DGKB: variants seen among roughly 807,000 people sequenced by gnomAD.
DGKB encodes 90 kDa diacylglycerol kinase.
Under a neutral mutation model 114.3 loss-of-function variants are expected in DGKB, and 67 were observed. The ratio of observed to expected loss-of-function variants is 0.59; its 90% confidence interval spans 0.48 to 0.72. The LOEUF is 0.72. DGKB is among the 30% of genes least tolerant of loss of function. DGKB has a pLI of 0.00. For synonymous variants in DGKB, 398 were observed against 323.1 expected (o/e 1.23, Z -2.49); for missense variants, 907 against 975.2 (o/e 0.93, Z 0.93).
chr7:14,925,624 T>C (rs955375832), intron 1 of DGKB, among the ~76,000 whole-genome samples: 1 of 152,152 alleles, frequency 6.6e-6, no homozygotes, highest in Non-Finnish European at 1.5e-5. Flanking sequence ...TTTGGTGAGA[T>C]TTGTACCTGA....
intron 17 of DGKB, among the ~76,000 whole-genome samples, chr7:14,599,848 G>A (rs1460344248): frequency 6.6e-6 from 1 of 151,994 alleles, no homozygotes; most frequent in Non-Finnish European, 1.5e-5. Flanking sequence ...TGGGGCTGGA[G>A]GTGAATTTGA....
chr7:14,644,781 T>A (rs771381607), intron 13 of DGKB, among the ~76,000 whole-genome samples: 2 of 152,178 alleles, frequency 1.3e-5, no homozygotes, highest in Non-Finnish European at 2.9e-5. Context: ...TGGAAACCTA[T>A]TGAATAAAAT....
At chr7:14,184,793 G>A (rs1014278971) in intron 23 of DGKB, among the ~76,000 whole-genome samples, 4 of 151,994 alleles carry the variant, frequency 2.6e-5, no homozygotes, top group Non-Finnish European at 5.9e-5. Flanking sequence ...CTGGCAGGAG[G>A]TGCAAAAAAA....
chr7:14,757,705 G>T lies in DGKB; in HGVS notation c.97C>A (p.Leu33Ile). 1 of 1,603,972 alleles carries T rather than the reference G, an allele frequency of 6.2e-7. No individual in the cohort carries two copies. Among genetic ancestry groups the T allele is most frequent in the African/African-American group, 1.3e-5 (1 of 74,642 alleles). ...EYSTKKLKDV[L>I]EEFHGNGVLA... Reference sequence around the variant, plus strand: ...ACACCATTACCATGGAATTCTTCAAGAACATCCTTTAATTTCTTTGTAGAA... The same window carrying T: ...ACACCATTACCATGGAATTCTTCAATAACATCCTTTAATTTCTTTGTAGAA... The change falls in exon 3 of 26, where the codon CTT becomes ATT. Residue 33 changes from leucine to isoleucine, a missense_variant. By Grantham distance (5) the Leu-to-Ile change is conservative. Transcript: ENST00000402815.
At chr7:14,710,420 A>C (rs2128332781) in intron 6 of DGKB, among the ~76,000 whole-genome samples, 1 of 152,238 alleles carries the variant, frequency 6.6e-6, no homozygotes, top group South Asian at 2.1e-4. Context: ...TCTATAGATT[A>C]CTGGGTAGTC....
chr7:14,599,454 G>T (rs530556164), intron 17 of DGKB, among the ~76,000 whole-genome samples: 5 of 152,082 alleles, frequency 3.3e-5, no homozygotes, highest in African/African-American at 1.2e-4. Flanking sequence ...ATGCTTTTAT[G>T]CTTGCTGCTC....
intron 2 of DGKB, among the ~76,000 whole-genome samples, chr7:14,786,792 G>A (rs951865825): frequency 2.6e-5 from 4 of 152,232 alleles, no homozygotes; most frequent in Non-Finnish European, 4.4e-5. Flanking sequence ...CAATGAGCAC[G>A]GCAGGGAAGC....
intron 1 of DGKB, among the ~76,000 whole-genome samples, chr7:14,951,044 T>C (rs1256971373): frequency 1.3e-5 from 2 of 151,982 alleles, no homozygotes; most frequent in African/African-American, 4.8e-5. Flanking sequence ...ATTCTACTAA[T>C]CATGCTTTCA....
chr7:14,239,919 A>G (rs1216401916), intron 23 of DGKB, among the ~76,000 whole-genome samples: 2 of 152,084 alleles, frequency 1.3e-5, no homozygotes, highest in East Asian at 3.9e-4. Flanking sequence ...CTATTTTACC[A>G]TATTACCTTT....
At chr7:14,753,501 T>C (rs575608109) in intron 4 of DGKB, among the ~76,000 whole-genome samples, 2 of 151,874 alleles carry the variant, frequency 1.3e-5, no homozygotes, top group Non-Finnish European at 2.9e-5. Flanking sequence ...CACAGCACTG[T>C]AGACAAAACA....
intron 1 of DGKB, among the ~76,000 whole-genome samples, chr7:14,855,200 A>G (rs1193227652): frequency 6.6e-6 from 1 of 152,214 alleles, no homozygotes; most frequent in Non-Finnish European, 1.5e-5. Context: ...GCAGAGAAAT[A>G]GCATGCCTCA....
intron 21 of DGKB, among the ~76,000 whole-genome samples, chr7:14,443,535 C>G (rs1425063974): frequency 6.6e-6 from 1 of 152,058 alleles, no homozygotes; most frequent in Non-Finnish European, 1.5e-5. Flanking sequence ...CATGGGTTGA[C>G]AATTATTTGT....
chr7:14,867,434 T>G (rs1270458931), intron 1 of DGKB, among the ~76,000 whole-genome samples: 1 of 132,346 alleles, frequency 7.6e-6, no homozygotes, highest in Non-Finnish European at 1.6e-5. Context: ...CTAGATTCTG[T>G]TTTTTTTTTT....
intron 2 of DGKB, among the ~76,000 whole-genome samples, chr7:14,784,270 C>A (rs1232131857): frequency 2.0e-5 from 3 of 151,028 alleles, no homozygotes; most frequent in African/African-American, 7.3e-5. Context: ...CTAGAGAGAA[C>A]AACATACATT....
rs551618345 is a variant in DGKB at position 14,689,199 on chromosome 7, A to ATT, written c.712-3839_712-3838dup. Among the ~76,000 whole-genome samples the ATT allele has an allele frequency of 9.2e-3, 702 of 76,466 alleles. 39 individuals carry two copies. The highest frequency in any genetic ancestry group is 0.013 in the Non-Finnish European group (486 of 37,914). The allele number at this position is 76,466 out of a possible 152,430, so 50.2% of individuals were successfully genotyped here. A position where few individuals can be genotyped will look rare whatever the true frequency, so the allele number is the denominator to read the frequency against. On this transcript the variant is annotated intron_variant, in intron 9 of 25. Coordinates refer to ENST00000402815, the MANE Select transcript of DGKB (RefSeq NM_001350709.2). ...TGACAATGTGACAGAAACTCCTCTTATTTTTTTTTTTTTTTTTTTTTTTTT... is the reference window on the plus strand; with the variant it reads ...TGACAATGTGACAGAAACTCCTCTTATTTTTTTTTTTTTTTTTTTTTTTTTTT...
intron 2 of DGKB, among the ~76,000 whole-genome samples, chr7:14,827,897 G>C (rs751828780): frequency 7.0e-6 from 1 of 142,888 alleles, no homozygotes; most frequent in Non-Finnish European, 1.5e-5. Flanking sequence ...ACAAGCAGTA[G>C]ATAGACAACA....
intron 1 of DGKB, among the ~76,000 whole-genome samples, chr7:14,926,006 G>A (rs78136964): frequency 4.8e-4 from 73 of 152,138 alleles, no homozygotes; most frequent in East Asian, 1.4e-3. Flanking sequence ...GTTTTTCACC[G>A]TTGAGTATGA....
intron 21 of DGKB, among the ~76,000 whole-genome samples, chr7:14,363,920 G>T (rs761245528): frequency 1.2e-4 from 19 of 152,010 alleles, no homozygotes; most frequent in African/African-American, 4.6e-4. Flanking sequence ...TGGTAATTGT[G>T]ACTGTCTTTC....
At chr7:14,657,789 CAGA>C (rs1816160487) in intron 13 of DGKB, among the ~76,000 whole-genome samples, 2 of 151,822 alleles carry the variant, frequency 1.3e-5, no homozygotes, top group South Asian at 4.1e-4. Context: ...TTCAGAATCA[CAGA>C]AGATTTGAAT....
Sources: allele counts gnomAD v4.1 joint callset (sites outside exome capture counted in the v4.1 genomes callset), GRCh38; gene constraint gnomAD v4.1.1; transcripts MANE v1.5; gene names NCBI Gene and HGNC (gene_info 2026-07-23, HGNC 2026-07-21).